The following BAG1 variants were observed in gnomAD, a reference collection of about 807,000 sequenced individuals.
BAG1 encodes the protein BAG family molecular chaperone regulator 1.
A neutral mutation model predicts 35.5 loss-of-function variants in BAG1; 35 were observed. That is an observed-to-expected ratio of 0.99 (90% CI 0.75 to 1.31). The LOEUF (loss-of-function observed/expected upper bound fraction) is 1.31, where lower values mean the gene tolerates loss of function less well. Among genes scored for constraint, BAG1 ranks in the 50% most tolerant of loss-of-function variants. BAG1 has a pLI of 0.00. For synonymous variants in BAG1, 191 were observed against 178.9 expected, an observed-to-expected ratio of 1.07 and a Z score of -0.54; for missense variants, 464 against 453.6, an observed-to-expected ratio of 1.02 and a Z score of -0.21.
At position 33,258,866 on chromosome 9, in the gene BAG1, T is replaced by C. The variant is rs1226013654; in HGVS notation, c.777+54A>G. 84 of 1,466,888 alleles carry C rather than the reference T, an allele frequency of 5.7e-5. No individual in the cohort carries two copies. In the South Asian group the frequency reaches 8.9e-4, roughly 16 times the overall value. 90.9% of individuals were successfully genotyped at this position (1,466,888 alleles called of 1,614,324 possible). ...AACATGTCCCCATAACCACAAGTTA[T>C]ATCCAGGAAGCTCTGATAGAAGGCA... On this transcript the variant is annotated intron_variant, in intron 4 of 6. Coordinates refer to ENST00000634734, the MANE Select transcript of BAG1 (RefSeq NM_004323.6).
Position 33,264,570 on chromosome 9 carries a change from G to C in BAG1, c.105C>G (p.Pro35=). Residue 35 remains proline (P), a synonymous_variant, in exon 1 of 7, where the codon CCC becomes CCG. Coordinates refer to ENST00000634734, the MANE Select transcript of BAG1 (RefSeq NM_004323.6). ...AGGGAGGCGGACCACGCTGGGCCGG[G>C]GGCTCCGACTGGCGCGGCTCCCGGC... The C allele has an allele frequency of 7.0e-7, 1 of 1,427,132 alleles. No homozygotes were observed. The highest frequency in any genetic ancestry group is 9.1e-7 in the Non-Finnish European group (1 of 1,099,652). The allele number at this position is 1,427,132 out of a possible 1,614,324, so 88.4% of individuals were successfully genotyped here. A position where few individuals can be genotyped will look rare whatever the true frequency, so the allele number is the denominator to read the frequency against.
Position 33,259,043 on chromosome 9 carries a change from T to G in BAG1, c.664-10A>C. ...CTTCCTGTGGACTGTTCTAAAATGT[T>G]TAAGAAGAAAATAAAGCCAATAGTC... is the stretch of plus-strand genomic sequence containing the variant. On this transcript the variant is annotated splice_polypyrimidine_tract_variant and intron_variant, in intron 3 of 6. Transcript: ENST00000634734. 6.2e-7 allele frequency: 1 copy of G among 1,609,574 alleles called. No homozygotes were observed. Among genetic ancestry groups the G allele is most frequent in the Non-Finnish European group, 8.5e-7 (1 of 1,176,232 alleles).
chr9:33,264,666 C>G lies in BAG1; in HGVS notation c.9G>C (p.Gln3His). The G allele has an allele frequency of 7.4e-7, 1 of 1,347,660 alleles. No individual in the cohort carries two copies. The allele number at this position is 1,347,660 out of a possible 1,614,324, so 83.5% of individuals were successfully genotyped here. A position where few individuals can be genotyped will look rare whatever the true frequency, so the allele number is the denominator to read the frequency against. Residue 3 changes from glutamine (Q) to histidine (H), a missense_variant, in exon 1 of 7, where the codon CAG (glutamine) becomes CAC (histidine). Gln to His is a conservative substitution (Grantham distance 24, BLOSUM62 0). Transcript: ENST00000634734. ...CTCGCGGTCTCCGCGCCCCCCCGCG[C>G]TGAGCCAGGCCCGCACTTGTTGACC...
chr9:33,258,558 T>C (rs1192394535), intron 4 of BAG1, among the ~76,000 whole-genome samples: 3 of 152,198 alleles, frequency 2.0e-5, no homozygotes, highest in African/African-American at 7.2e-5. Flanking sequence ...AGAAGCTACT[T>C]GTTCTATTTC....
At chr9:33,257,075 T>C in intron 4 of BAG1, 167 bp from the exon 5 acceptor site, 1 of 585,494 alleles carries the variant, frequency 1.7e-6, no homozygotes, top group Middle Eastern at 4.5e-4. Context: ...AGGCTGGCCG[T>C]GGGCCAGTCC....
Position 33,262,823 on chromosome 9 carries a change from C to T in BAG1, c.459G>A (p.Glu153=). The T allele has an allele frequency of 6.2e-7, 1 of 1,612,716 alleles. No individual in the cohort carries two copies. Among genetic ancestry groups the T allele is most frequent in the Non-Finnish European group, 8.5e-7 (1 of 1,179,570 alleles). Residue 153 remains glutamate (E), a synonymous_variant, in exon 2 of 7, where the codon GAG becomes GAA. Coordinates refer to ENST00000634734, the MANE Select transcript of BAG1 (RefSeq NM_004323.6). Reference sequence around the variant, plus strand: ...GGGAGGTAACATGAAGGTCGTGCTTCTCATTGCCTGGGGAGAAAGAAAAGC... The same window carrying T: ...GGGAGGTAACATGAAGGTCGTGCTTTTCATTGCCTGGGGAGAAAGAAAAGC...
rs1408388349 is a variant in BAG1, at chr9:33,264,296, C to T, written c.379G>A (p.Glu127Lys). The T allele has an allele frequency of 6.2e-7, 1 of 1,613,602 alleles. No individual in the cohort carries two copies. Among genetic ancestry groups the T allele is most frequent in the South Asian group, 1.1e-5 (1 of 91,028 alleles). The change falls in exon 1 of 7, where the codon GAG (glutamate) becomes AAG (lysine). Residue 127 changes from glutamate (E) to lysine (K), a missense_variant. By Grantham distance (56) the Glu-to-Lys change is moderately conservative. Transcript: ENST00000634734. ...GTCACCTCCTCGCTCCGGGTCGACT[C>T]CTCGTCCCGGGTCACCTCCTGGCTC...
rs1008363025 is a variant in BAG1 at position 33,264,638 on chromosome 9, C to A, written c.37G>T (p.Asp13Tyr). 2 of 1,346,852 alleles carry A rather than the reference C, an allele frequency of 1.5e-6. No individual in the cohort carries two copies. Among genetic ancestry groups the A allele is most frequent in the Non-Finnish European group, 1.9e-6 (2 of 1,057,854 alleles). The allele number at this position is 1,346,852 out of a possible 1,614,324, so 83.4% of individuals were successfully genotyped here. ...AGCCGGGAACCCAGCCGCTCCCGGTCGCCTCGCGGTCTCCGCGCCCCCCCG... is the reference window on the plus strand; with the variant it reads ...AGCCGGGAACCCAGCCGCTCCCGGTAGCCTCGCGGTCTCCGCGCCCCCCCG... The change falls in exon 1 of 7, where the codon GAC becomes TAC. Residue 13 changes from aspartate (D) to tyrosine (Y), a missense_variant. By Grantham distance (160) the Asp-to-Tyr change is radical. Coordinates refer to ENST00000634734, the MANE Select transcript of BAG1 (RefSeq NM_004323.6).
At chr9:33,262,342 T>A (rs1820589314) in intron 2 of BAG1, 1 of 1,198,256 alleles carries the variant, frequency 8.3e-7, no homozygotes, top group Admixed American at 3.2e-5. Context: ...CCTTTGGCCA[T>A]AAGGAAAAGC....
chr9:33,253,806 G>A lies in BAG1; in HGVS notation c.*1413C>T, dbSNP rs1213111142. On this transcript the variant is annotated 3_prime_UTR_variant, in exon 7 of 7. Coordinates refer to ENST00000634734, the MANE Select transcript of BAG1 (RefSeq NM_004323.6). ...AAACCACTCTTCTACTTTATGATGA[G>A]CACATAAACAGTTTTTTTTTCTTTT... 1 of 148,602 alleles carries A rather than the reference G, an allele frequency of 6.7e-6. No homozygotes were observed. The highest frequency in any genetic ancestry group is 1.5e-5 in the Non-Finnish European group (1 of 67,472). 9.2% of individuals were successfully genotyped at this position (148,602 alleles called of 1,614,324 possible).
chr9:33,257,453 T>C (rs542643210), intron 4 of BAG1: 1 of 152,406 alleles, frequency 6.6e-6, no homozygotes, highest in East Asian at 1.9e-4. Flanking sequence ...GTCTAATGGT[T>C]CACTCACACA....
intron 3 of BAG1, 123 bp downstream of exon 3, chr9:33,260,964 T>C: frequency 1.5e-6 from 1 of 666,280 alleles, no homozygotes; most frequent in Non-Finnish European, 2.4e-6. Context: ...AGATTGTATT[T>C]GTTTAGAGAG....
At chr9:33,257,074 G>A (rs1040291033) in intron 4 of BAG1, 166 bp from the exon 5 acceptor site, 6 of 584,188 alleles carry the variant, frequency 1.0e-5, no homozygotes, top group Non-Finnish European at 1.8e-5. Context: ...AAGGCTGGCC[G>A]TGGGCCAGTC....
At position 33,254,849 on chromosome 9, in the gene BAG1, C is replaced by T; in HGVS notation, c.*370G>A. On this transcript the variant is annotated 3_prime_UTR_variant, in exon 7 of 7. Coordinates refer to ENST00000634734, the MANE Select transcript of BAG1 (RefSeq NM_004323.6). ...ACACGATCACAAGAGCAAAGAAGCC[C>T]TCATGTATCTGAAGACTGAGGGGGC... is the stretch of plus-strand genomic sequence containing the variant. 4.9e-6 allele frequency: 2 copies of T among 410,136 alleles called. No homozygotes were observed. The highest frequency in any genetic ancestry group is 4.3e-5 in the South Asian group (2 of 46,924). The allele number at this position is 410,136 out of a possible 1,614,324, so 25.4% of individuals were successfully genotyped here.
chr9:33,256,031 C>A (rs1245908023), intron 5 of BAG1, 104 bp from the exon 6 acceptor site: 2 of 1,053,482 alleles, frequency 1.9e-6, no homozygotes, highest in Non-Finnish European at 2.9e-6. Context: ...ACCCACAGTA[C>A]ACAAAACAGG....
chr9:33,262,928 C>T, intron 1 of BAG1, 98 bp from the exon 2 acceptor site: 1 of 1,511,738 alleles, frequency 6.6e-7, no homozygotes. Flanking sequence ...CTTCAAGGCC[C>T]AGCTCATATG....
chr9:33,261,166 T>G lies in BAG1; in HGVS notation c.584A>C (p.Lys195Thr). ...CGGTGTTTCCATTTCCTTCAGAGAT[T>G]TTCCTAAAAAGAGGAGAAAGGTAGG... The change falls in exon 3 of 7, where the codon AAA becomes ACA. Residue 195 changes from lysine to threonine, a missense_variant. Transcript: ENST00000634734. The G allele has an allele frequency of 6.2e-7, 1 of 1,607,350 alleles. No homozygotes were observed. Among genetic ancestry groups the G allele is most frequent in the South Asian group, 1.1e-5 (1 of 89,440 alleles).
At chr9:33,259,659 C>G (rs989483722) in intron 3 of BAG1, 1 of 152,246 alleles carries the variant, frequency 6.6e-6, no homozygotes, top group Non-Finnish European at 1.5e-5. Flanking sequence ...ACAACCAAGA[C>G]TGAAGCCTGG....
Position 33,254,932 on chromosome 9 carries a change from A to T in BAG1, c.*287T>A. 1 of 1,188,048 alleles carries T rather than the reference A, an allele frequency of 8.4e-7. No homozygotes were observed. Among genetic ancestry groups the T allele is most frequent in the East Asian group, 3.8e-5 (1 of 26,480 alleles). The allele number at this position is 1,188,048 out of a possible 1,614,324, so 73.6% of individuals were successfully genotyped here. A position where few individuals can be genotyped will look rare whatever the true frequency, so the allele number is the denominator to read the frequency against. On this transcript the variant is annotated 3_prime_UTR_variant, in exon 7 of 7. Transcript: ENST00000634734. ...GAGCTCTCACCAGCCCAAAGAAAGC[A>T]CCCAGAGGTCCAAACAGCTGGGAAA...
Sources: gnomAD v4.1 joint callset for allele counts (sites outside exome capture counted in the v4.1 genomes callset) on GRCh38, gnomAD v4.1.1 for gene constraint, MANE v1.5 for transcripts, NCBI Gene and HGNC (gene_info 2026-07-23, HGNC 2026-07-21) for gene names.